Variants in SEC16A observed in about 807,000 individuals in gnomAD.
SEC16A encodes protein transport protein Sec16A.
A neutral mutation model predicts 221.9 loss-of-function variants in SEC16A; 110 were observed. The ratio of observed to expected loss-of-function variants is 0.50; its 90% CI spans 0.42 to 0.58. The LOEUF is 0.58. Ranked by LOEUF, SEC16A falls within the 20% of genes least tolerant of loss-of-function variation. The probability of loss-of-function intolerance (pLI) is 0.00; values close to 1 mark genes in which losing one functional copy is unlikely to be tolerated. For missense variants in SEC16A, 3,165 were observed against 3,097.8 expected (o/e 1.02, Z -0.52); for synonymous variants, 1,393 against 1,257.7 (o/e 1.11, Z -2.28).
intron 1 of SEC16A, among the ~76,000 whole-genome samples, chr9:136,479,433 A>C (rs897544813): frequency 6.6e-6 from 1 of 152,012 alleles, no homozygotes; most frequent in East Asian, 1.9e-4. Flanking sequence ...GCTCACTGCA[A>C]GCTCCGCCTC....
At chr9:136,464,156 T>A in intron 9 of SEC16A, among the ~76,000 whole-genome samples, 2 of 123,100 alleles carry the variant, frequency 1.6e-5, no homozygotes, top group Admixed American at 9.3e-5. Context: ...AAAGCAAACA[T>A]CCCCAAAACG....
chr9:136,471,489 A>G (rs1329315445), intron 4 of SEC16A, among the ~76,000 whole-genome samples: 1 of 152,188 alleles, frequency 6.6e-6, no homozygotes, highest in Non-Finnish European at 1.5e-5. Flanking sequence ...AAAAAAAAGA[A>G]GAGGAAACAC....
intron 11 of SEC16A, 119 bp downstream of exon 11, chr9:136,463,344 C>A: frequency 7.3e-7 from 1 of 1,376,238 alleles, no homozygotes; most frequent in South Asian, 1.4e-5. Context: ...TAAGGGGGCC[C>A]TCGAGGCTCC....
Position 136,446,869 on chromosome 9 carries a change from C to A in SEC16A, c.6778G>T (p.Ala2260Ser). 1 of 1,606,978 alleles carries A rather than the reference C, an allele frequency of 6.2e-7. No homozygotes were observed. The highest frequency in any genetic ancestry group is 1.3e-5 in the African/African-American group (1 of 74,620). The change falls in exon 28 of 32, where the codon GCC (alanine) becomes TCC (serine). Residue 2260 changes from alanine to serine, a missense_variant. By Grantham distance (99) the Ala-to-Ser change is moderately conservative. Transcript: ENST00000684901. ...TACCCGCTCACCTTGGGCTCTGGGG[C>A]AGGCTCTGGATTGGCCAGGCCCCTA... is the stretch of plus-strand genomic sequence containing the variant. The part of the protein sequence containing the change: ...AARGLANPEP[A>S]PEPKVLSSAA...
In SEC16A at chr9:136,477,326, G is replaced by A. The variant is rs1309613550; in HGVS notation, c.290C>T (p.Thr97Ile). 6.2e-7 allele frequency: 1 copy of A among 1,613,970 alleles called. No homozygotes were observed. Among genetic ancestry groups the A allele is most frequent in the East Asian group, 2.2e-5 (1 of 44,886 alleles). The change falls in exon 3 of 32, where the codon ACA (threonine) becomes ATA (isoleucine). Residue 97 changes from threonine to isoleucine, a missense_variant. Physicochemically the swap from Thr to Ile is moderately conservative, Grantham distance 89 (BLOSUM62 -1). Transcript: ENST00000684901. ...TCCCTGAGAGCTATCTCTGGCATGT[G>A]TGTGAGGAACAAGCAAACCGGGGTG... ...SQHPGLLVPH[T>I]HARDSSQGPC... is the part of the protein sequence containing the mutation.
rs761864120 is a variant in SEC16A at position 136,463,450 on chromosome 9, G to C, written c.4647+13C>G. The C allele has an allele frequency of 6.2e-7, 1 of 1,611,044 alleles. No homozygotes were observed. The highest frequency in any genetic ancestry group is 8.5e-7 in the Non-Finnish European group (1 of 1,178,174). On this transcript the variant is annotated intron_variant, in intron 11 of 31. Coordinates refer to ENST00000684901, the MANE Select transcript of SEC16A (RefSeq NM_014866.2). Reference sequence around the variant, plus strand: ...AGCAAGAAGAAACACTCTAGAAGTAGAAAGAAACATACCCCATTTTGTCTG... The same window carrying C: ...AGCAAGAAGAAACACTCTAGAAGTACAAAGAAACATACCCCATTTTGTCTG...
chr9:136,476,508 C>A lies in SEC16A; in HGVS notation c.1108G>T (p.Gly370Ter). 6.3e-7 allele frequency: 1 copy of A among 1,591,318 alleles called. No homozygotes were observed. Among genetic ancestry groups the A allele is most frequent in the Non-Finnish European group, 8.6e-7 (1 of 1,160,734 alleles). Residue 370 changes from glycine to a stop codon, truncating the protein, a stop_gained, in exon 3 of 32, where the codon GGA becomes TGA. Coordinates refer to ENST00000684901, the MANE Select transcript of SEC16A (RefSeq NM_014866.2). LOFTEE classifies it high-confidence loss of function. ...APLEADSGAS[G>*]ALAMFFQGGE... is the part of the protein sequence containing the mutation. ...CCTTGGAAAAACATCGCCAGAGCTC[C>A]TGAAGCTCCTGAGTCTGCTTCTAGC...
In SEC16A at chr9:136,475,143, T is replaced by C; in HGVS notation, c.2473A>G (p.Asn825Asp). 1 of 1,613,950 alleles carries C rather than the reference T, an allele frequency of 6.2e-7. No homozygotes were observed. Among genetic ancestry groups the C allele is most frequent in the Non-Finnish European group, 8.5e-7 (1 of 1,179,874 alleles). The change falls in exon 3 of 32, where the codon AAT becomes GAT. Residue 825 changes from asparagine to aspartate, a missense_variant. Transcript: ENST00000684901. The surrounding 1 kb of genome is among the most constrained non-coding windows in gnomAD (Gnocchi z 5.0). The stretch of plus-strand genomic sequence containing the variant: ...GGCTGAGCAATCAAGACTGGAGGAT[T>C]CTGCAGAGACTCAGTGGGCGGTGAG... ...LSSPPTESLQ[N>D]PPVLIAQPDH... is the part of the protein sequence containing the mutation.
intron 8 of SEC16A, among the ~76,000 whole-genome samples, chr9:136,465,740 G>A (rs903781265): frequency 6.6e-6 from 1 of 152,202 alleles, no homozygotes; most frequent in Non-Finnish European, 1.5e-5. Context: ...AACGCATGTC[G>A]GGGCAGGCAG....
At position 136,475,825 on chromosome 9, in the gene SEC16A, C is replaced by T. The variant is rs1335753691; in HGVS notation, c.1791G>A (p.Pro597=). ...TTGTCTGAAATATTCCTGTAGGTTTCGGGGGGCTCGGGGTTGAGGGCTGGG... is the reference window on the plus strand; with the variant it reads ...TTGTCTGAAATATTCCTGTAGGTTTTGGGGGGCTCGGGGTTGAGGGCTGGG... The part of the protein sequence containing the change: ...SVSQPSTPSP[P]KPTGIFQTSA... Residue 597 remains proline, a synonymous_variant, in exon 3 of 32, where the codon CCG becomes CCA. Transcript: ENST00000684901. The surrounding 1 kb of genome is among the most constrained non-coding windows in gnomAD (Gnocchi z 5.0). The T allele has an allele frequency of 1.6e-5, 25 of 1,579,884 alleles. No individual in the cohort carries two copies. The highest frequency in any genetic ancestry group is 2.0e-5 in the Non-Finnish European group (23 of 1,162,626).
chr9:136,454,726 C>T (rs1838366141), intron 20 of SEC16A, among the ~76,000 whole-genome samples: 1 of 152,242 alleles, frequency 6.6e-6, no homozygotes, highest in Non-Finnish European at 1.5e-5. Flanking sequence ...GAGAGGGCTG[C>T]TGCCTACCAG....
At chr9:136,479,694 G>A (rs1842081894) in intron 1 of SEC16A, among the ~76,000 whole-genome samples, 1 of 152,098 alleles carries the variant, frequency 6.6e-6, no homozygotes, top group Non-Finnish European at 1.5e-5. Context: ...TGGTCTCTTG[G>A]AAATCTTTCT....
chr9:136,460,012 C>A (rs1208882922), intron 14 of SEC16A, 30 bp downstream of exon 14: 1 of 1,580,628 alleles, frequency 6.3e-7, no homozygotes, highest in Non-Finnish European at 8.6e-7. Context: ...GCAGTGGAGC[C>A]TGTGCAAGCC....
rs201571357 is a variant in SEC16A at position 136,464,601 on chromosome 9, G to A, written c.4304-39C>T. 3.9e-6 allele frequency: 6 copies of A among 1,557,534 alleles called. No homozygotes were observed. The African/African-American group carries it at 6.8e-5, about 18-fold the overall frequency. ...AAATTGAAAAAGAAACAATCAGCTT[G>A]TCACTGATGCTTCTGAGCCTAGATT... On this transcript the variant is annotated intron_variant, in intron 8 of 31. Transcript: ENST00000684901.
chr9:136,450,117 T>C (rs1238641565), intron 23 of SEC16A, among the ~76,000 whole-genome samples: 1 of 151,892 alleles, frequency 6.6e-6, no homozygotes, highest in African/African-American at 2.4e-5. Flanking sequence ...GGCAGGAGAA[T>C]TGCTTGAACC....
At chr9:136,444,150 A>AGCACTGAGGTG (rs1836611577) in intron 30 of SEC16A, 1 of 355,512 alleles carries the variant, frequency 2.8e-6, no homozygotes, top group Non-Finnish European at 5.2e-6. Context: ...AGGTGCACAC[A>AGCACTGAGGTG]GCACTGAGGT....
At chr9:136,484,698 A>G (rs1184863645), upstream of SEC16A, 1 of 1,366,570 alleles carries the variant, frequency 7.3e-7, no homozygotes, top group Admixed American at 1.9e-5. Context: ...CAGGCGGTGC[A>G]GGGAGAGCTT....
chr9:136,443,039 C>T (rs551925208), intron 31 of SEC16A, among the ~76,000 whole-genome samples: 189 of 152,328 alleles, frequency 1.2e-3, no homozygotes, highest in African/African-American at 4.3e-3. Context: ...CGGGGAGACC[C>T]GGGTGCCCGG....
In SEC16A at chr9:136,474,350, G is replaced by A. The variant is rs201172869; in HGVS notation, c.3266C>T (p.Ala1089Val). 2.0e-4 allele frequency: 323 copies of A among 1,612,630 alleles called. No homozygotes were observed. Among genetic ancestry groups the A allele is most frequent in the Non-Finnish European group, 2.6e-4 (303 of 1,179,748 alleles). ...TGCTGAGTTCTGGGCCTGTCCCTGT[G>A]CGGGCAGACTTTCTGGATTTGACAG... ...SELSNPESLPAQGQAQNSAQS... is the reference protein window; with the variant it reads ...SELSNPESLPVQGQAQNSAQS... The change falls in exon 3 of 32, where the codon GCA (alanine) becomes GTA (valine). Residue 1089 changes from alanine (A) to valine (V), a missense_variant. Ala to Val is a moderately conservative substitution (Grantham distance 64). Coordinates refer to ENST00000684901, the MANE Select transcript of SEC16A (RefSeq NM_014866.2).
Sources: gnomAD v4.1 joint callset for allele counts (sites outside exome capture counted in the v4.1 genomes callset) on GRCh38, gnomAD v4.1.1 for gene constraint, Gnocchi (gnomAD v3.1) non-coding constraint, MANE v1.5 for transcripts, NCBI Gene and HGNC (gene_info 2026-07-23, HGNC 2026-07-21) for gene names.